Variants in UGT2B7 observed in about 807,000 individuals in gnomAD.
The protein encoded by UGT2B7 is UDP-glucuronosyltransferase 2B7.
UGT2B7 carries 51 observed loss-of-function variants against 51.9 expected under a neutral mutation model. The ratio of observed to expected loss-of-function variants is 0.98; its 90% CI spans 0.78 to 1.24. The LOEUF (loss-of-function observed/expected upper bound fraction) is 1.24. Among genes scored for constraint, UGT2B7 ranks in the 50% most tolerant of loss-of-function variants. UGT2B7 has a pLI of 0.00. For synonymous variants in UGT2B7, 225 were observed against 211.6 expected, an observed-to-expected ratio of 1.06 and a Z score of -0.55; for missense variants, 727 against 628.4, an observed-to-expected ratio of 1.16 and a Z score of -1.68.
rs1276174786 is a variant in UGT2B7, at chr4:69,102,900, A to G, written c.964A>G (p.Asn322Asp). Residue 322 changes from asparagine (N) to aspartate (D), a missense_variant, in exon 3 of 6, where the codon AAC becomes GAC. Transcript: ENST00000305231. ...CAGTAACATGACAGAAGAAAGGGCC[A>G]ACGTAATTGCATCAGCCCTGGCCCA... ...MVSNMTEERA[N>D]VIASALAQIP... The G allele has an allele frequency of 6.2e-7, 1 of 1,613,634 alleles. No homozygotes were observed. The highest frequency in any genetic ancestry group is 8.5e-7 in the Non-Finnish European group (1 of 1,179,692).
chr4:69,057,444 A>C (rs1718232154), intron 1 of UGT2B7, among the ~76,000 whole-genome samples: 1 of 152,230 alleles, frequency 6.6e-6, no homozygotes, highest in Admixed American at 6.5e-5. Context: ...TTTGTTTAAA[A>C]AATTGACACT....
intron 2 of UGT2B7, among the ~76,000 whole-genome samples, chr4:69,101,119 T>A (rs1389829174): frequency 2.6e-5 from 4 of 152,048 alleles, no homozygotes. Flanking sequence ...AATATTCAAC[T>A]ACACTGTCAG....
intron 1 of UGT2B7, among the ~76,000 whole-genome samples, chr4:69,061,280 G>A (rs982635089): frequency 6.6e-6 from 1 of 152,198 alleles, no homozygotes. Context: ...ACTCCTGGAG[G>A]TAAAGAAATA....
At chr4:69,065,163 C>T (rs570259002) in intron 1 of UGT2B7, among the ~76,000 whole-genome samples, 1 of 152,150 alleles carries the variant, frequency 6.6e-6, no homozygotes, top group South Asian at 2.1e-4. Flanking sequence ...TCTTTACTTA[C>T]CCTAATTTTG....
At chr4:69,078,883 G>A (rs1177223556) in intron 1 of UGT2B7, among the ~76,000 whole-genome samples, 1 of 152,094 alleles carries the variant, frequency 6.6e-6, no homozygotes, top group East Asian at 1.9e-4. Flanking sequence ...AAGTGGCAGT[G>A]GTGGGTGGAA....
At chr4:69,094,891 A>G (rs1398909659), upstream of UGT2B7, among the ~76,000 whole-genome samples, 8 of 152,248 alleles carry the variant, frequency 5.3e-5, no homozygotes, top group East Asian at 1.5e-3. Flanking sequence ...TTGTCATTCA[A>G]CAATGTTCAT....
At chr4:69,087,060 T>TTC (rs147382444) in intron 1 of UGT2B7, among the ~76,000 whole-genome samples, 12 of 148,860 alleles carry the variant, frequency 8.1e-5, no homozygotes, top group East Asian at 5.9e-4. Context: ...CTGTCTCTCT[T>TTC]TCTCTCTCTC....
chr4:69,087,029 G>A (rs1718975827), intron 1 of UGT2B7, among the ~76,000 whole-genome samples: 1 of 151,244 alleles, frequency 6.6e-6, no homozygotes, highest in South Asian at 2.1e-4. Flanking sequence ...GTTAGTTTCT[G>A]TATATCCTTT....
At chr4:69,083,882 C>A (rs1311936065) in intron 1 of UGT2B7, among the ~76,000 whole-genome samples, 1 of 151,858 alleles carries the variant, frequency 6.6e-6, no homozygotes, top group Non-Finnish European at 1.5e-5. Context: ...TTTCTCTTGG[C>A]TACTTGCTCT....
chr4:69,097,217 G>A lies in UGT2B7; in HGVS notation c.697G>A (p.Asp233Asn), dbSNP rs765643535. 12 of 1,612,020 alleles carry A rather than the reference G, an allele frequency of 7.4e-6. No individual in the cohort carries two copies. Among genetic ancestry groups the A allele is most frequent in the Non-Finnish European group, 1.0e-5 (12 of 1,179,116 alleles). ...WFEIFDMKKWDQFYSEVLGRP... is the reference protein window; with the variant it reads ...WFEIFDMKKWNQFYSEVLGRP... ...CGAAATATTTGACATGAAGAAGTGG[G>A]ATCAGTTTTATAGTGAAGTTCTAGG... The change falls in exon 1 of 6, where the codon GAT becomes AAT. Residue 233 changes from aspartate to asparagine, a missense_variant. Physicochemically the swap from Asp to Asn is conservative, Grantham distance 23. Transcript: ENST00000305231.
At chr4:69,084,402 G>A (rs1362872936) in intron 1 of UGT2B7, among the ~76,000 whole-genome samples, 2 of 146,930 alleles carry the variant, frequency 1.4e-5, no homozygotes, top group African/African-American at 5.1e-5. Context: ...CATTTTTAAA[G>A]CATTTACTTC....
intron 1 of UGT2B7, among the ~76,000 whole-genome samples, chr4:69,064,408 GT>G (rs1413502664): frequency 6.6e-6 from 1 of 152,182 alleles, no homozygotes; most frequent in Non-Finnish European, 1.5e-5. Flanking sequence ...TGTCTAAAAG[GT>G]ACTGCGAAGG....
Position 69,098,413 on chromosome 4 carries a change from G to A in UGT2B7, c.722-127G>A, listed in dbSNP as rs1364514101. ...TTAAATTATATCTATATATGAATAT[G>A]TGTATATATTTTTCAAAGCACAGAT... On this transcript the variant is annotated intron_variant, in intron 1 of 5. Coordinates refer to ENST00000305231, the MANE Select transcript of UGT2B7 (RefSeq NM_001074.4). The A allele has an allele frequency of 4.9e-6, 5 of 1,015,042 alleles. No homozygotes were observed. In the African/African-American group the frequency reaches 5.0e-5, roughly 10 times the overall value. 62.9% of individuals were successfully genotyped at this position (1,015,042 alleles called of 1,614,324 possible).
chr4:69,077,343 C>A (rs1718731477), intron 1 of UGT2B7, among the ~76,000 whole-genome samples: 1 of 151,778 alleles, frequency 6.6e-6, no homozygotes, highest in Admixed American at 6.6e-5. Context: ...AGCTTGATGG[C>A]AATAGCATTG....
intron 1 of UGT2B7, among the ~76,000 whole-genome samples, chr4:69,075,082 C>A (rs936523215): frequency 6.6e-6 from 1 of 152,080 alleles, no homozygotes; most frequent in African/African-American, 2.4e-5. Flanking sequence ...TAAATTCACA[C>A]AATTTTTAGG....
intron 2 of UGT2B7, among the ~76,000 whole-genome samples, chr4:69,099,765 C>A (rs1169746780): frequency 6.6e-6 from 1 of 151,956 alleles, no homozygotes; most frequent in Admixed American, 6.6e-5. Flanking sequence ...ACTAATACTA[C>A]TAATTACTTA....
intron 5 of UGT2B7, among the ~76,000 whole-genome samples, chr4:69,110,723 T>A (rs1404517836): frequency 2.0e-5 from 3 of 152,064 alleles, no homozygotes; most frequent in Non-Finnish European, 4.4e-5. Context: ...TGGACAAAAG[T>A]GGTGACTAAA....
chr4:69,059,342 C>T (rs1187311208), intron 1 of UGT2B7, among the ~76,000 whole-genome samples: 2 of 152,190 alleles, frequency 1.3e-5, no homozygotes, highest in African/African-American at 2.4e-5. Flanking sequence ...AGAAGTCCAA[C>T]CTGAATTCTC....
At chr4:69,076,444 G>A (rs1325652242) in intron 1 of UGT2B7, among the ~76,000 whole-genome samples, 2 of 152,136 alleles carry the variant, frequency 1.3e-5, no homozygotes, top group Admixed American at 1.3e-4. Context: ...TCCAACATCA[G>A]TTGTTTTGTG....
Sources: gnomAD v4.1 joint callset for allele counts (sites outside exome capture counted in the v4.1 genomes callset) on GRCh38, gnomAD v4.1.1 for gene constraint, MANE v1.5 for transcripts, NCBI Gene and HGNC (gene_info 2026-07-23, HGNC 2026-07-21) for gene names.